Variants in KNL1 observed in about 807,000 individuals in gnomAD.
The protein encoded by KNL1 is kinetochore scaffold 1.
Under a neutral mutation model 201.3 loss-of-function variants are expected in KNL1, and 66 were observed. That is an observed-to-expected ratio of 0.33 (90% CI 0.27 to 0.40). The LOEUF is 0.40. Among genes scored for constraint, KNL1 ranks in the 10% least tolerant of loss-of-function variants. The pLI, the probability that KNL1 is intolerant of heterozygous loss-of-function variation, is 1.00. For synonymous variants in KNL1, 895 were observed against 899.2 expected (o/e 1.00, Z 0.08); for missense variants, 2,815 against 2,690.5 (o/e 1.05, Z -1.02).
chr15:40,614,290 G>T (rs1184715325), intron 7 of KNL1, among the ~76,000 whole-genome samples: 2 of 151,846 alleles, frequency 1.3e-5, no homozygotes, highest in Non-Finnish European at 2.9e-5. Context: ...TAGAGATGGG[G>T]TTTCACCACG....
intron 20 of KNL1, 96 bp from the exon 21 acceptor site, chr15:40,651,909 A>C: frequency 4.9e-5 from 33 of 675,642 alleles, no homozygotes; most frequent in Non-Finnish European, 7.7e-5. Flanking sequence ...GAAAAACATT[A>C]GCAGCTGCTG....
chr15:40,628,779 T>A (rs1359381236), intron 12 of KNL1, 101 bp downstream of exon 12: 20 of 653,738 alleles, frequency 3.1e-5, no homozygotes, highest in South Asian at 1.6e-4. Flanking sequence ...AAATTTTTTT[T>A]AATTACGAAA....
chr15:40,597,000 C>CAAAA (rs35126045), intron 1 of KNL1, among the ~76,000 whole-genome samples: 1 of 90,544 alleles, frequency 1.1e-5, no homozygotes, highest in Non-Finnish European at 2.2e-5. Context: ...AACTCCATCT[C>CAAAA]AAAAAAAAAA....
chr15:40,611,912 G>A (rs893508808), intron 7 of KNL1, among the ~76,000 whole-genome samples: 2 of 152,126 alleles, frequency 1.3e-5, no homozygotes, highest in Non-Finnish European at 2.9e-5. Context: ...GGACGTGGTG[G>A]CTCATGCCTG....
chr15:40,621,989 T>C lies in KNL1; in HGVS notation c.1725T>C (p.Thr575=). 1.9e-6 allele frequency: 3 copies of C among 1,614,106 alleles called. No individual in the cohort carries two copies. The highest frequency in any genetic ancestry group is 2.5e-6 in the Non-Finnish European group (3 of 1,179,970). Residue 575 remains threonine, a synonymous_variant, in exon 10 of 26, where the codon ACT becomes ACC. Coordinates refer to ENST00000399668, the MANE Select transcript of KNL1 (RefSeq NM_144508.5). Reference sequence around the variant, plus strand: ...TATCAGGTGAAAATATGGATTTGACTGAAAGTCACACAAGTAACTTAGGAA... The same window carrying C: ...TATCAGGTGAAAATATGGATTTGACCGAAAGTCACACAAGTAACTTAGGAA... The part of the protein sequence containing the change: ...ELLSGENMDL[T]ESHTSNLGSQ...
rs1256995645 is a variant in KNL1, at chr15:40,662,070, C to G, written c.6837-4C>G. The stretch of plus-strand genomic sequence containing the variant: ...GAAAATTGATTAACCTTTGTTCTTT[C>G]CAGCCAAGATGATATTGCTACCATT... On this transcript the variant is annotated splice_polypyrimidine_tract_variant and splice_region_variant and intron_variant, in intron 25 of 25. Coordinates refer to ENST00000399668, the MANE Select transcript of KNL1 (RefSeq NM_144508.5). 1 of 1,539,932 alleles carries G rather than the reference C, an allele frequency of 6.5e-7. No individual in the cohort carries two copies. Among genetic ancestry groups the G allele is most frequent in the Non-Finnish European group, 9.0e-7 (1 of 1,113,108 alleles).
At chr15:40,638,751 C>A (rs915998533) in intron 13 of KNL1, among the ~76,000 whole-genome samples, 2 of 152,082 alleles carry the variant, frequency 1.3e-5, no homozygotes, top group African/African-American at 4.8e-5. Flanking sequence ...CCTTGGCCTC[C>A]CAAAGTGTTG....
At chr15:40,618,888 G>T (rs1567005748) in intron 8 of KNL1, 71 bp from the exon 9 acceptor site, 11 of 916,692 alleles carry the variant, frequency 1.2e-5, no homozygotes, top group South Asian at 1.6e-5. Context: ...AACTGATGAA[G>T]AACCTAAGAA....
chr15:40,625,802 A>C, intron 10 of KNL1, 162 bp downstream of exon 10: 1 of 575,908 alleles, frequency 1.7e-6, no homozygotes, highest in Non-Finnish European at 3.1e-6. Context: ...GAACCTTCAG[A>C]AATTAATTGA....
chr15:40,640,098 CTTT>C (rs544723388), intron 13 of KNL1, among the ~76,000 whole-genome samples: 4 of 124,494 alleles, frequency 3.2e-5, no homozygotes, highest in Non-Finnish European at 6.9e-5. Context: ...TTTTTCTTTT[CTTT>C]TTTTTTTTTT....
At chr15:40,643,095 A>G (rs1050388711) in intron 14 of KNL1, 1 of 152,246 alleles carries the variant, frequency 6.6e-6, no homozygotes, top group African/African-American at 2.4e-5. Context: ...AGACTAATAT[A>G]TATTGAGACT....
At chr15:40,603,714 T>A (rs1179592955) in intron 2 of KNL1, among the ~76,000 whole-genome samples, 1 of 152,246 alleles carries the variant, frequency 6.6e-6, no homozygotes, top group African/African-American at 2.4e-5. Flanking sequence ...TAAACAGCAC[T>A]TTTATTGAAG....
At chr15:40,620,068 A>G (rs1892465344) in intron 9 of KNL1, among the ~76,000 whole-genome samples, 1 of 152,296 alleles carries the variant, frequency 6.6e-6, no homozygotes, top group Non-Finnish European at 1.5e-5. Context: ...AGCTAGGACA[A>G]CAGGCATGCA....
chr15:40,631,654 A>C (rs1441306761), intron 13 of KNL1, among the ~76,000 whole-genome samples: 1 of 152,086 alleles, frequency 6.6e-6, no homozygotes, highest in Non-Finnish European at 1.5e-5. Flanking sequence ...AAAGATAGGA[A>C]GATAGAATTA....
At position 40,623,589 on chromosome 15, in the gene KNL1, CATTTGG is replaced by C. The variant is rs1181140865; in HGVS notation, c.3326_3331del (p.His1109_Ala1111delinsPro). 6.2e-7 allele frequency: 1 copy of C among 1,613,640 alleles called. No homozygotes were observed. The highest frequency in any genetic ancestry group is 8.5e-7 in the Non-Finnish European group (1 of 1,179,884). ...TGCCCTGGAGGATAAAGAGGACTTC[CATTTGG>C]CAGGGGCTTCTAAAACTATTTTGTA... On this transcript the variant is annotated inframe_deletion, in exon 10 of 26. Transcript: ENST00000399668.
In KNL1 at chr15:40,641,005, G is replaced by A. The variant is rs2141747519; in HGVS notation, c.5776G>A (p.Ala1926Thr). The change falls in exon 14 of 26, where the codon GCT becomes ACT. Residue 1926 changes from alanine to threonine, a missense_variant. By Grantham distance (58) the Ala-to-Thr change is moderately conservative (BLOSUM62 0). This residue lies in a region of KNL1 where 2,464 missense variants were observed against 2,291.7 expected (regional missense o/e 1.08). Coordinates refer to ENST00000399668, the MANE Select transcript of KNL1 (RefSeq NM_144508.5). ...ACAGATTTATAGAGAAGATTGTGAG[G>A]CTCGTCGCCAAAAGATTGAAGAGTA... is the stretch of plus-strand genomic sequence containing the variant. ...KIQIYREDCE[A>T]RRQKIEELKL... 3 of 1,610,216 alleles carry A rather than the reference G, an allele frequency of 1.9e-6. No individual in the cohort carries two copies. The highest frequency in any genetic ancestry group is 2.2e-5 in the East Asian group (1 of 44,820).
At chr15:40,651,972 C>A (rs371609248) in intron 20 of KNL1, 33 bp from the exon 21 acceptor site, 25 of 1,488,630 alleles carry the variant, frequency 1.7e-5, no homozygotes, top group African/African-American at 1.5e-4. Flanking sequence ...ATTTTAAAAA[C>A]GCTTTTTAAA....
intron 4 of KNL1, among the ~76,000 whole-genome samples, chr15:40,608,325 A>G (rs1436706207): frequency 6.6e-6 from 1 of 151,134 alleles, no homozygotes; most frequent in Non-Finnish European, 1.5e-5. Context: ...AATACAAAAA[A>G]TTAGAGGTTG....
intron 1 of KNL1, among the ~76,000 whole-genome samples, chr15:40,595,167 C>T (rs886340245): frequency 6.6e-6 from 1 of 152,196 alleles, no homozygotes; most frequent in East Asian, 1.9e-4. Context: ...TTTTCACTTC[C>T]GTCGAATCCT....
Sources: allele counts gnomAD v4.1 joint callset (sites outside exome capture counted in the v4.1 genomes callset), GRCh38; gene constraint gnomAD v4.1.1; regional missense constraint gnomAD v4.1.1; transcripts MANE v1.5; gene names NCBI Gene and HGNC (gene_info 2026-07-23, HGNC 2026-07-21).